Variants in EPHB2 observed in about 807,000 individuals in gnomAD.
EPHB2 encodes the protein EPH receptor B2, also known as ephrin type-B receptor 2.
EPHB2 carries 18 observed loss-of-function variants against 96.4 expected under a neutral mutation model. The observed-to-expected ratio is 0.19, with a 90% CI of 0.13 to 0.28. The LOEUF (loss-of-function observed/expected upper bound fraction) is 0.28, where lower values mean the gene tolerates loss of function less well. Ranked by LOEUF, EPHB2 falls within the 10% of genes least tolerant of loss-of-function variation. The pLI is 1.00. For synonymous variants in EPHB2, 506 were observed against 534.1 expected (o/e 0.95, Z 0.72); for missense variants, 989 against 1,355.4 (o/e 0.73, Z 4.25).
At chr1:22,904,620 G>A (rs546444747) in intron 9 of EPHB2, among the ~76,000 whole-genome samples, 12 of 152,282 alleles carry the variant, frequency 7.9e-5, no homozygotes, top group Middle Eastern at 3.4e-3. Flanking sequence ...AAATTTTTCT[G>A]TAAGGGAACA....
chr1:22,864,034 C>CTTTTTTTTTT (rs201727615), intron 4 of EPHB2, among the ~76,000 whole-genome samples: 1 of 131,160 alleles, frequency 7.6e-6, no homozygotes, highest in African/African-American at 3.3e-5. Flanking sequence ...AGTTTCTGTT[C>CTTTTTTTTTT]TTTTTTTTTT....
chr1:22,849,579 T>G (rs1346202784), intron 3 of EPHB2, among the ~76,000 whole-genome samples: 6 of 152,212 alleles, frequency 3.9e-5, no homozygotes, highest in Admixed American at 2.6e-4. Context: ...GGGATCCATA[T>G]AGAACCAAAG....
At chr1:22,862,953 G>T in intron 3 of EPHB2, 84 bp from the exon 4 acceptor site, 1 of 1,570,938 alleles carries the variant, frequency 6.4e-7, no homozygotes, top group Non-Finnish European at 8.8e-7. Flanking sequence ...GAGGCTGTGT[G>T]GCCCCTCCGT....
intron 5 of EPHB2, among the ~76,000 whole-genome samples, chr1:22,870,388 G>A (rs1296098616): frequency 6.6e-6 from 1 of 152,128 alleles, no homozygotes; most frequent in Admixed American, 6.5e-5. Flanking sequence ...ACATACTCAG[G>A]TGTACTCCGC....
intron 1 of EPHB2, among the ~76,000 whole-genome samples, chr1:22,778,973 A>T (rs775035371): frequency 5.3e-5 from 8 of 152,054 alleles, no homozygotes; most frequent in Non-Finnish European, 1.0e-4. Context: ...TAGCCAAGGG[A>T]TGGGGCCACC....
At chr1:22,788,287 C>T (rs1557674961) in intron 3 of EPHB2, among the ~76,000 whole-genome samples, 1 of 152,190 alleles carries the variant, frequency 6.6e-6, no homozygotes, top group Non-Finnish European at 1.5e-5. Context: ...GCCCTGGCTC[C>T]CTTCCAGGCT....
intron 1 of EPHB2, among the ~76,000 whole-genome samples, chr1:22,722,321 C>T (rs1643486176): frequency 6.6e-6 from 1 of 152,186 alleles, no homozygotes; most frequent in African/African-American, 2.4e-5. Context: ...TGAATGTTTA[C>T]TCATTTTATT....
chr1:22,736,390 T>G (rs1397208289), intron 1 of EPHB2, among the ~76,000 whole-genome samples: 1 of 152,156 alleles, frequency 6.6e-6, no homozygotes, highest in Non-Finnish European at 1.5e-5. Flanking sequence ...CCTTCAACTT[T>G]CCTCCCAAAT....
intron 4 of EPHB2, 84 bp from the exon 5 acceptor site, chr1:22,864,793 G>A: frequency 4.6e-6 from 4 of 870,112 alleles, no homozygotes; most frequent in Non-Finnish European, 7.2e-6. Flanking sequence ...GAGGGGCTGA[G>A]CCAGAGCAGC....
At position 22,784,943 on chromosome 1, in the gene EPHB2, C is replaced by T. The variant is rs780013717; in HGVS notation, c.678C>T (p.Cys226=). ...STSLVAARGS[C]IANAEEVDVP... ...CGCTGGTGGCTGCCCGGGGCAGCTG[C>T]ATCGCCAATGCGGAAGAGGTGGATG... The change falls in exon 3 of 16, where the codon TGC becomes TGT. Residue 226 remains cysteine (C), a synonymous_variant. Coordinates refer to ENST00000374630, the MANE Select transcript of EPHB2 (RefSeq NM_017449.5). The surrounding 1 kb of genome is among the most constrained non-coding windows in gnomAD (Gnocchi z 5.1). The T allele has an allele frequency of 1.9e-6, 3 of 1,613,936 alleles. No individual in the cohort carries two copies. The highest frequency in any genetic ancestry group is 4.5e-5 in the East Asian group (2 of 44,892).
chr1:22,770,123 A>C (rs1457475503), intron 1 of EPHB2, among the ~76,000 whole-genome samples: 1 of 151,812 alleles, frequency 6.6e-6, no homozygotes, highest in South Asian at 2.1e-4. Flanking sequence ...GGGTGGGTGG[A>C]ATGTTGGGTA....
At chr1:22,809,251 G>A (rs987561992) in intron 3 of EPHB2, among the ~76,000 whole-genome samples, 9 of 152,160 alleles carry the variant, frequency 5.9e-5, no homozygotes, top group South Asian at 2.1e-4. Context: ...GAAAATTAAC[G>A]AGCTGCTCCC....
intron 3 of EPHB2, among the ~76,000 whole-genome samples, chr1:22,819,855 G>A (rs979622393): frequency 7.4e-5 from 11 of 149,380 alleles, no homozygotes; most frequent in African/African-American, 1.2e-4. Flanking sequence ...TTTCCTCTCC[G>A]TGTCTTAACC....
At chr1:22,807,393 G>T (rs189272913) in intron 3 of EPHB2, among the ~76,000 whole-genome samples, 4 of 152,160 alleles carry the variant, frequency 2.6e-5, no homozygotes, top group Non-Finnish European at 5.9e-5. Flanking sequence ...CTGCCAAGGC[G>T]CTCAGAACGG....
At chr1:22,811,320 G>A (rs1644998864) in intron 3 of EPHB2, among the ~76,000 whole-genome samples, 1 of 152,162 alleles carries the variant, frequency 6.6e-6, no homozygotes, top group South Asian at 2.1e-4. Flanking sequence ...GTGCTTCTCT[G>A]TTTAATTCCT....
rs6700141 is a variant in EPHB2, at chr1:22,809,086, G to A, written c.811+24010G>A. ...CAGCAGCCTCTGGGCCCATTTCCTC[G>A]GGCCCAGACAGCTTCCCGGCGGTGC... On this transcript the variant is annotated intron_variant, in intron 3 of 15. Transcript: ENST00000374630. Among the ~76,000 whole-genome samples the A allele has an allele frequency of 6.8e-3, 1,037 of 152,314 alleles. 9 individuals are homozygous for A. The highest frequency in any genetic ancestry group is 0.024 in the African/African-American group (986 of 41,578).
rs2203608 is a variant in EPHB2 at position 22,875,561 on chromosome 1, C to G, written c.1304-6798C>G. Among the ~76,000 whole-genome samples the G allele has an allele frequency of 0.92, 139,932 of 152,122 alleles. 65,444 individuals carry two copies. The highest frequency in any genetic ancestry group is 1 in the East Asian group (5,150 of 5,150). On this transcript the variant is annotated intron_variant, in intron 5 of 15. Transcript: ENST00000374630. The surrounding 1 kb of genome is among the most constrained non-coding windows in gnomAD (Gnocchi z 4.2). ...GTCGGTAGACTCGGGTTCCTGAGGGCGCCAGAAAAGGGGAGAATCTGTCTG... is the reference window on the plus strand; with the variant it reads ...GTCGGTAGACTCGGGTTCCTGAGGGGGCCAGAAAAGGGGAGAATCTGTCTG...
At chr1:22,773,142 C>T (rs1644401955) in intron 1 of EPHB2, among the ~76,000 whole-genome samples, 2 of 152,194 alleles carry the variant, frequency 1.3e-5, no homozygotes, top group South Asian at 4.1e-4. Context: ...TCCTTTGATC[C>T]TCAAAACAAC....
chr1:22,807,165 C>T (rs1644939160), intron 3 of EPHB2, among the ~76,000 whole-genome samples: 1 of 152,204 alleles, frequency 6.6e-6, no homozygotes, highest in African/African-American at 2.4e-5. Flanking sequence ...CTCCTCTGGG[C>T]CTGCTTCCTG....
Sources: allele counts gnomAD v4.1 joint callset (sites outside exome capture counted in the v4.1 genomes callset), GRCh38; gene constraint gnomAD v4.1.1; non-coding constraint Gnocchi (gnomAD v3.1); transcripts MANE v1.5; gene names NCBI Gene and HGNC (gene_info 2026-07-23, HGNC 2026-07-21).